NPHP1: variants seen among roughly 807,000 people sequenced by gnomAD.
The protein encoded by NPHP1 is nephrocystin 1, also known as nephrocystin-1.
NPHP1 carries 70 observed loss-of-function variants against 90.4 expected under a neutral mutation model. The ratio of observed to expected loss-of-function variants is 0.77; its 90% CI spans 0.64 to 0.95. NPHP1 has a LOEUF of 0.95. NPHP1 is among the 40% of genes least tolerant of loss of function. The pLI is 0.00. For synonymous variants in NPHP1, 256 were observed against 271.7 expected (o/e 0.94, Z 0.57); for missense variants, 764 against 795.9 (o/e 0.96, Z 0.48).
chr2:110,136,529 A>G, intron 16 of NPHP1, among the ~76,000 whole-genome samples: 1 of 152,150 alleles, frequency 6.6e-6, no homozygotes, highest in East Asian at 1.9e-4. Flanking sequence ...TACACCAATA[A>G]CAGACAAACA....
intron 2 of NPHP1, among the ~76,000 whole-genome samples, chr2:110,185,700 G>A (rs1335517899): frequency 1.3e-5 from 2 of 152,156 alleles, no homozygotes; most frequent in African/African-American, 4.8e-5. Context: ...GTCTGGTTTT[G>A]TTGCCATTTT....
chr2:110,195,709 C>CA (rs1226350960), intron 2 of NPHP1, among the ~76,000 whole-genome samples: 1 of 152,014 alleles, frequency 6.6e-6, no homozygotes, highest in Non-Finnish European at 1.5e-5. Flanking sequence ...AATCCTAAGC[C>CA]AAAAGAACAA....
chr2:110,152,446 G>A (rs1681546646), intron 11 of NPHP1, among the ~76,000 whole-genome samples: 1 of 151,948 alleles, frequency 6.6e-6, no homozygotes, highest in Non-Finnish European at 1.5e-5. Context: ...ACAAATAGAA[G>A]ATAGAAGAGT....
chr2:110,192,518 A>G (rs1241415647), intron 2 of NPHP1, among the ~76,000 whole-genome samples: 1 of 152,180 alleles, frequency 6.6e-6, no homozygotes, highest in Non-Finnish European at 1.5e-5. Flanking sequence ...GAAAAGATCA[A>G]ATCTACATCT....
At chr2:110,156,348 A>G (rs1380738109) in intron 11 of NPHP1, among the ~76,000 whole-genome samples, 1 of 152,240 alleles carries the variant, frequency 6.6e-6, no homozygotes, top group African/African-American at 2.4e-5. Flanking sequence ...GTCTGCCACC[A>G]TGTGAGATGT....
intron 1 of NPHP1, 115 bp downstream of exon 1, chr2:110,204,785 A>C: frequency 1.9e-6 from 2 of 1,039,904 alleles, no homozygotes; most frequent in Admixed American, 3.6e-5. Context: ...TGGGAAGGTA[A>C]GTAGGTTGGG....
chr2:110,190,731 G>A lies in NPHP1; in HGVS notation c.143+10690C>T, dbSNP rs186784146. 5.2e-3 allele frequency among the ~76,000 whole-genome samples: 797 copies of A among 152,328 alleles called. 8 individuals carry two copies. Among genetic ancestry groups the A allele is most frequent in the South Asian group, 0.013 (63 of 4,828 alleles). ...CGCCAAGAGTGAGCGAGGGCTGTGAGGACTGCCAGCATGCTGTCACCTCTC... is the reference window on the plus strand; with the variant it reads ...CGCCAAGAGTGAGCGAGGGCTGTGAAGACTGCCAGCATGCTGTCACCTCTC... On this transcript the variant is annotated intron_variant, in intron 2 of 19. Coordinates refer to ENST00000445609, the MANE Select transcript of NPHP1 (RefSeq NM_001128178.3).
chr2:110,189,515 G>C (rs1391358913), intron 2 of NPHP1, among the ~76,000 whole-genome samples: 5 of 152,104 alleles, frequency 3.3e-5, no homozygotes, highest in Non-Finnish European at 7.4e-5. Context: ...AGCTCATAAA[G>C]GCAGTGTGGA....
chr2:110,166,354 C>A (rs1043862854), intron 6 of NPHP1, among the ~76,000 whole-genome samples: 1 of 152,136 alleles, frequency 6.6e-6, no homozygotes, highest in Non-Finnish European at 1.5e-5. Flanking sequence ...CTTTTTCAAA[C>A]AAAATCCCTG....
At chr2:110,188,099 C>G (rs1373159329) in intron 2 of NPHP1, among the ~76,000 whole-genome samples, 2 of 152,132 alleles carry the variant, frequency 1.3e-5, no homozygotes, top group African/African-American at 2.4e-5. Flanking sequence ...CCTTTGAAAA[C>G]AGGCACAAGA....
intron 11 of NPHP1, among the ~76,000 whole-genome samples, chr2:110,153,675 T>C (rs1199057597): frequency 6.6e-6 from 1 of 152,046 alleles, no homozygotes; most frequent in Non-Finnish European, 1.5e-5. Context: ...TAACTCAGAA[T>C]GGAGTTCTAA....
rs751440951 is a variant in NPHP1, at chr2:110,123,866, G to A, written c.1959C>T (p.Asp653=). The change falls in exon 20 of 20, where the codon GAC becomes GAT. Residue 653 remains aspartate, a synonymous_variant. Coordinates refer to ENST00000445609, the MANE Select transcript of NPHP1 (RefSeq NM_001128178.3). ...QGALQALLSP[D]GVHEPFDLSE... ...AAAGGTCAAAAGGTTCATGAACTCC[G>A]TCTGGTGACAGCAGAGCTTGGAGGG... The A allele has an allele frequency of 4.2e-5, 68 of 1,613,950 alleles. No individual in the cohort carries two copies. Among genetic ancestry groups the A allele is most frequent in the East Asian group, 1.3e-4 (6 of 44,898 alleles).
intron 11 of NPHP1, among the ~76,000 whole-genome samples, chr2:110,159,376 T>C (rs184242676): frequency 6.6e-6 from 1 of 152,056 alleles, no homozygotes; most frequent in African/African-American, 2.4e-5. Context: ...TTTAAATGTT[T>C]GAAGAAATTC....
chr2:110,170,991 T>C (rs914708963), intron 4 of NPHP1, among the ~76,000 whole-genome samples: 3 of 151,766 alleles, frequency 2.0e-5, no homozygotes, highest in African/African-American at 7.3e-5. Flanking sequence ...TAAAAATGAG[T>C]AGGGGAAGGA....
chr2:110,178,307 C>T lies in NPHP1; in HGVS notation c.329+116G>A. ...CACAATAAATAAATGTTGACTGATTCTATTGTTAGTGTCATTTGTTTATAT... is the reference window on the plus strand; with the variant it reads ...CACAATAAATAAATGTTGACTGATTTTATTGTTAGTGTCATTTGTTTATAT... On this transcript the variant is annotated intron_variant, in intron 4 of 19. Transcript: ENST00000445609. 2 of 987,638 alleles carry T rather than the reference C, an allele frequency of 2.0e-6. 1 individual carries two copies. Among genetic ancestry groups the T allele is most frequent in the Middle Eastern group, 5.7e-4 (2 of 3,502 alleles). The allele number at this position is 987,638 out of a possible 1,614,324, so 61.2% of individuals were successfully genotyped here. A position where few individuals can be genotyped will look rare whatever the true frequency, so the allele number is the denominator to read the frequency against.
intron 4 of NPHP1, 51 bp from the exon 5 acceptor site, chr2:110,170,049 G>T: frequency 6.2e-7 from 1 of 1,608,660 alleles, no homozygotes; most frequent in Non-Finnish European, 8.5e-7. Context: ...TACAAGAACA[G>T]ACCAGCTATG....
intron 2 of NPHP1, chr2:110,184,507 G>A: frequency 9.1e-7 from 1 of 1,104,916 alleles, no homozygotes; most frequent in Non-Finnish European, 1.3e-6. Context: ...TATGCCACAG[G>A]CAGGACCACG....
intron 12 of NPHP1, 52 bp from the exon 13 acceptor site, chr2:110,148,078 G>A (rs777196172): frequency 6.4e-5 from 75 of 1,174,120 alleles, no homozygotes; most frequent in Non-Finnish European, 2.3e-5. Flanking sequence ...AATGGGAAGG[G>A]GGTTTGATGT....
chr2:110,160,127 C>G lies in NPHP1; in HGVS notation c.1083G>C (p.Lys361Asn). 1 of 1,612,756 alleles carries G rather than the reference C, an allele frequency of 6.2e-7. No individual in the cohort carries two copies. Residue 361 changes from lysine (K) to asparagine (N), a missense_variant and splice_region_variant, in exon 11 of 20, where the codon AAG (lysine) becomes AAC (asparagine). Lys to Asn is a moderately conservative substitution (Grantham distance 94). Transcript: ENST00000445609. ...HVRLCLFDGNKVLSNIHTVRA... is the reference protein window; with the variant it reads ...HVRLCLFDGNNVLSNIHTVRA... ...TTGATTTACTTCTCAGTAACCTTAC[C>G]TTATTACCATCAAATAGACAGAGGC...
Sources: gnomAD v4.1 joint callset for allele counts (sites outside exome capture counted in the v4.1 genomes callset) on GRCh38, gnomAD v4.1.1 for gene constraint, MANE v1.5 for transcripts, NCBI Gene and HGNC (gene_info 2026-07-23, HGNC 2026-07-21) for gene names.